Variants in DOCK10 observed in about 807,000 individuals in gnomAD.
The protein encoded by DOCK10 is dedicator of cytokinesis 10.
A neutral mutation model predicts 280.1 loss-of-function variants in DOCK10; 145 were observed. That is an observed-to-expected ratio of 0.52 (90% CI 0.45 to 0.59). The LOEUF is 0.59. Ranked by LOEUF, DOCK10 falls within the 20% of genes least tolerant of loss-of-function variation. DOCK10 has a pLI of 0.00. For synonymous variants in DOCK10, 915 were observed against 942.2 expected, an observed-to-expected ratio of 0.97 and a Z score of 0.53; for missense variants, 2,368 against 2,651.7, an observed-to-expected ratio of 0.89 and a Z score of 2.35.
chr2:224,932,590 T>C (rs1702454994), intron 1 of DOCK10, among the ~76,000 whole-genome samples: 1 of 152,108 alleles, frequency 6.6e-6, no homozygotes, highest in Admixed American at 6.5e-5. Context: ...CTGGGTTATT[T>C]TGGGGCTCCT....
At chr2:224,801,371 T>A (rs1309064165) in intron 40 of DOCK10, among the ~76,000 whole-genome samples, 1 of 151,872 alleles carries the variant, frequency 6.6e-6, no homozygotes, top group Admixed American at 6.6e-5. Flanking sequence ...CAGAGTCAGG[T>A]TGGAAAGTAA....
chr2:224,795,538 T>A (rs1369899012), intron 44 of DOCK10, among the ~76,000 whole-genome samples: 1 of 152,218 alleles, frequency 6.6e-6, no homozygotes, highest in African/African-American at 2.4e-5. Flanking sequence ...GTTGTGGGAC[T>A]TTAATTGGAA....
chr2:224,952,609 T>C (rs1187506263), intron 1 of DOCK10, among the ~76,000 whole-genome samples: 5 of 150,336 alleles, frequency 3.3e-5, no homozygotes, highest in South Asian at 2.1e-4. Flanking sequence ...TTTTTTTTTT[T>C]TGAGACGGAG....
intron 7 of DOCK10, among the ~76,000 whole-genome samples, chr2:224,877,451 GTTCC>G (rs1210278274): frequency 6.0e-5 from 9 of 151,062 alleles, no homozygotes; most frequent in African/African-American, 2.2e-4. Flanking sequence ...ATTGGAATAG[GTTCC>G]TATTCTATTG....
chr2:224,814,065 A>G (rs1693964015), intron 31 of DOCK10, among the ~76,000 whole-genome samples: 1 of 152,248 alleles, frequency 6.6e-6, no homozygotes, highest in Non-Finnish European at 1.5e-5. Context: ...GATACAAATT[A>G]AGGAAATTTC....
intron 19 of DOCK10, among the ~76,000 whole-genome samples, chr2:224,847,692 T>C (rs564683616): frequency 1.3e-5 from 2 of 152,210 alleles, no homozygotes; most frequent in Non-Finnish European, 2.9e-5. Flanking sequence ...TTAACTGTTT[T>C]TCACTTTCTG....
At chr2:225,014,679 T>A (rs1689544682) in intron 1 of DOCK10, among the ~76,000 whole-genome samples, 2 of 152,186 alleles carry the variant, frequency 1.3e-5, no homozygotes. Flanking sequence ...ATTTCTCCGC[T>A]TAGTTTTAAT....
At position 224,888,995 on chromosome 2, in the gene DOCK10, CCA is replaced by C. The variant is rs1699499696; in HGVS notation, c.417-2466_417-2465del. ...AGGACACTATGCTAAATGAAATAAG[CCA>C]GACGTGGAGAAAAAAATTGTAGGAT... is the stretch of plus-strand genomic sequence containing the variant. On this transcript the variant is annotated intron_variant, in intron 4 of 55. Transcript: ENST00000258390. Among the ~76,000 whole-genome samples the C allele has an allele frequency of 1.3e-5, 2 of 151,808 alleles. 1 individual carries two copies. The highest frequency in any genetic ancestry group is 4.8e-5 in the African/African-American group (2 of 41,292).
chr2:224,804,008 G>A (rs1693200359), intron 39 of DOCK10, 104 bp downstream of exon 39: 2 of 577,864 alleles, frequency 3.5e-6, no homozygotes, highest in Non-Finnish European at 3.0e-6. Flanking sequence ...ATATGTGTGT[G>A]TGTGTGTGTG....
intron 1 of DOCK10, among the ~76,000 whole-genome samples, chr2:224,937,162 T>C (rs1355383526): frequency 6.6e-6 from 1 of 152,162 alleles, no homozygotes; most frequent in Non-Finnish European, 1.5e-5. Context: ...TAAATACTCA[T>C]GTGTATTGGT....
intron 22 of DOCK10, among the ~76,000 whole-genome samples, chr2:224,842,932 G>A (rs906455979): frequency 1.3e-5 from 2 of 152,230 alleles, no homozygotes; most frequent in South Asian, 4.1e-4. Context: ...TGTCTGTTGG[G>A]TCAGGGAACA....
At chr2:224,994,395 G>T (rs982412502) in intron 1 of DOCK10, among the ~76,000 whole-genome samples, 1 of 152,192 alleles carries the variant, frequency 6.6e-6, no homozygotes, top group Non-Finnish European at 1.5e-5. Flanking sequence ...AAAAGGTTTA[G>T]CATGGTGCCA....
chr2:224,820,291 C>T (rs1304717517), intron 28 of DOCK10, among the ~76,000 whole-genome samples: 1 of 152,198 alleles, frequency 6.6e-6, no homozygotes, highest in Non-Finnish European at 1.5e-5. Context: ...GGAGCACTTG[C>T]TCTCTCTCCA....
chr2:224,854,728 C>T (rs1299091103), intron 16 of DOCK10, among the ~76,000 whole-genome samples: 6 of 152,020 alleles, frequency 3.9e-5, no homozygotes, highest in Non-Finnish European at 5.9e-5. Context: ...ATAGTTCTTG[C>T]CCTACAAAAC....
At chr2:224,986,016 C>T (rs1054289833) in intron 1 of DOCK10, among the ~76,000 whole-genome samples, 2 of 152,224 alleles carry the variant, frequency 1.3e-5, no homozygotes, top group East Asian at 3.8e-4. Context: ...AAAATACCTA[C>T]GTCTGTTTTG....
Position 224,794,883 on chromosome 2 carries a change from G to C in DOCK10, c.5150C>G (p.Ser1717Cys). The change falls in exon 45 of 56, where the codon TCT becomes TGT. Residue 1717 changes from serine (S) to cysteine (C), a missense_variant. Around this residue, in one of 2 missense-constraint regions of DOCK10, gnomAD observed 1,159 missense variants for 1,400.8 expected, o/e 0.83. Coordinates refer to ENST00000258390, the MANE Select transcript of DOCK10 (RefSeq NM_014689.3). ...GACCAAGCCTTGGCTAATCACCTCA[G>C]ATAAATCTCCGTTTCTGGCATGAAT... Reference protein sequence around the residue: ...AKIHARNGDLSEAAMCYIHIA... With the variant: ...AKIHARNGDLCEAAMCYIHIA... 6.2e-7 allele frequency: 1 copy of C among 1,613,482 alleles called. No individual in the cohort carries two copies. Among genetic ancestry groups the C allele is most frequent in the Admixed American group, 1.7e-5 (1 of 60,018 alleles).
At chr2:225,041,289 C>T (rs893951050) in intron 1 of DOCK10, among the ~76,000 whole-genome samples, 6 of 152,184 alleles carry the variant, frequency 3.9e-5, no homozygotes, top group African/African-American at 1.2e-4. Flanking sequence ...AACACACAAC[C>T]CGGATTCCGG....
In DOCK10 at chr2:224,970,402, T is replaced by G. The variant is rs552344881; in HGVS notation, c.124-38734A>C. Among the ~76,000 whole-genome samples the G allele has an allele frequency of 2.0e-5, 3 of 152,280 alleles. No individual in the cohort carries two copies. Among genetic ancestry groups the G allele is most frequent in the Admixed American group, 2.0e-4 (3 of 15,294 alleles). On this transcript the variant is annotated intron_variant, in intron 1 of 55. Coordinates refer to ENST00000258390, the MANE Select transcript of DOCK10 (RefSeq NM_014689.3). The surrounding 1 kb of genome is among the most constrained non-coding windows in gnomAD (Gnocchi z 4.6). The stretch of plus-strand genomic sequence containing the variant: ...CTGAGGCTCAGGGAACTCAGGGAAT[T>G]ATCCGAAGTCCTACAGTTCTCAAAA...
At chr2:224,793,146 G>A (rs1692320698) in intron 46 of DOCK10, 74 bp from the exon 47 acceptor site, 7 of 1,137,348 alleles carry the variant, frequency 6.2e-6, no homozygotes, top group Middle Eastern at 2.4e-4. Context: ...ACTACAAATC[G>A]TTAGCCAATG....
Sources: allele counts gnomAD v4.1 joint callset (sites outside exome capture counted in the v4.1 genomes callset), GRCh38; gene constraint gnomAD v4.1.1; regional missense constraint gnomAD v4.1.1; non-coding constraint Gnocchi (gnomAD v3.1); transcripts MANE v1.5; gene names NCBI Gene and HGNC (gene_info 2026-07-23, HGNC 2026-07-21).